KIFC3: variants seen among roughly 807,000 people sequenced by gnomAD.
KIFC3 encodes the protein kinesin-like protein KIFC3.
Under a neutral mutation model 101.8 loss-of-function variants are expected in KIFC3, and 60 were observed. The observed-to-expected ratio is 0.59, with a 90% confidence interval of 0.48 to 0.73. The LOEUF (loss-of-function observed/expected upper bound fraction) is 0.73. KIFC3 is among the 30% of genes least tolerant of loss of function. The pLI is 0.00. For missense variants in KIFC3, 966 were observed against 1,137.1 expected (o/e 0.85, Z 2.16); for synonymous variants, 476 against 482.7 (o/e 0.99, Z 0.18).
At chr16:57,799,246 A>G (rs2054570566) in intron 1 of KIFC3, among the ~76,000 whole-genome samples, 1 of 152,236 alleles carries the variant, frequency 6.6e-6, no homozygotes, top group Non-Finnish European at 1.5e-5. Flanking sequence ...CCTTGAGGAC[A>G]TTTAAGGTGA....
intron 1 of KIFC3, among the ~76,000 whole-genome samples, chr16:57,836,895 T>TATAGC (rs1264655840): frequency 6.6e-6 from 1 of 152,158 alleles, no homozygotes. Flanking sequence ...GGTCTTGTGG[T>TATAGC]ATAGCCCAGG....
intron 1 of KIFC3, among the ~76,000 whole-genome samples, chr16:57,853,142 G>C (rs1310030433): frequency 6.6e-6 from 1 of 152,036 alleles, no homozygotes; most frequent in Non-Finnish European, 1.5e-5. Context: ...AATCTGCCCG[G>C]GCGCGGTGGC....
At chr16:57,795,886 T>G (rs1568047682) in intron 2 of KIFC3, among the ~76,000 whole-genome samples, 1 of 27,798 alleles carries the variant, frequency 3.6e-5, no homozygotes, top group African/African-American at 1.1e-4. Context: ...GCTTTTTTGT[T>G]TTTTTTTTTT....
At chr16:57,764,633 A>G (rs1555601097) in intron 11 of KIFC3, among the ~76,000 whole-genome samples, 1 of 152,226 alleles carries the variant, frequency 6.6e-6, no homozygotes, top group African/African-American at 2.4e-5. Flanking sequence ...AGGAGGGCAC[A>G]GGCCTGGCAG....
chr16:57,794,908 G>T, intron 3 of KIFC3, 91 bp downstream of exon 3: 1 of 1,263,836 alleles, frequency 7.9e-7, no homozygotes. Flanking sequence ...CTCTCCCCAG[G>T]TGCTTCCTAC....
At chr16:57,775,474 G>T in intron 3 of KIFC3, 1 of 994,902 alleles carries the variant, frequency 1.0e-6, no homozygotes, top group Non-Finnish European at 1.2e-6. Flanking sequence ...TGCACTTGAA[G>T]GCAGGCAATC....
At chr16:57,810,547 A>C in intron 1 of KIFC3, 1 of 499,016 alleles carries the variant, frequency 2.0e-6, no homozygotes, top group Non-Finnish European at 2.6e-6. Flanking sequence ...GAGAGGAAGC[A>C]GCAAGGATCC....
intron 2 of KIFC3, 124 bp downstream of exon 2, chr16:57,797,948 G>C (rs1239887579): frequency 6.5e-7 from 1 of 1,539,574 alleles, no homozygotes; most frequent in Non-Finnish European, 8.8e-7. Flanking sequence ...CTGGGCTGTC[G>C]GTTACCCTGT....
intron 7 of KIFC3, 119 bp downstream of exon 7, chr16:57,770,408 G>T: frequency 1.1e-6 from 1 of 923,758 alleles, no homozygotes; most frequent in African/African-American, 1.7e-5. Context: ...GTGGCCATCG[G>T]GGAGAGGAGG....
intron 17 of KIFC3, 141 bp from the exon 18 acceptor site, chr16:57,759,977 G>A (rs782791187): frequency 6.1e-6 from 4 of 651,018 alleles, no homozygotes; most frequent in Non-Finnish European, 1.0e-5. Context: ...TTGTGCCCCA[G>A]CCTCAGTTAT....
intron 1 of KIFC3, among the ~76,000 whole-genome samples, chr16:57,820,029 G>A (rs551963837): frequency 7.4e-4 from 112 of 151,588 alleles, no homozygotes; most frequent in African/African-American, 2.6e-3. Context: ...CACCATGCCC[G>A]GCTAATTTTT....
intron 18 of KIFC3, 158 bp from the exon 19 acceptor site, chr16:57,759,311 C>CT: frequency 1.2e-6 from 1 of 827,240 alleles, no homozygotes; most frequent in Non-Finnish European, 1.9e-6. Context: ...GGTCCTGTGG[C>CT]GGGGCTCACT....
At position 57,758,481 on chromosome 16, in the gene KIFC3, C is replaced by T. The variant is rs1268147783; in HGVS notation, c.*453G>A. The T allele has an allele frequency of 4.8e-6, 2 of 415,992 alleles. No individual in the cohort carries two copies. Among genetic ancestry groups the T allele is most frequent in the African/African-American group, 2.0e-5 (1 of 49,184 alleles). 25.8% of individuals were successfully genotyped at this position (415,992 alleles called of 1,614,324 possible). A position where few individuals can be genotyped will look rare whatever the true frequency, so the allele number is the denominator to read the frequency against. ...GGGCGGGGAGGGCTGCCATTGGTGC[C>T]ACCAACCCACCCCAGTCCCCATGGT... On this transcript the variant is annotated 3_prime_UTR_variant, in exon 20 of 20. Coordinates refer to ENST00000445690, the MANE Select transcript of KIFC3 (RefSeq NM_001130100.2).
At chr16:57,797,383 G>A (rs1171096406) in intron 2 of KIFC3, among the ~76,000 whole-genome samples, 1 of 152,204 alleles carries the variant, frequency 6.6e-6, no homozygotes. Flanking sequence ...GGACAGCTCC[G>A]CGGCCCCGCC....
At chr16:57,815,616 C>G (rs1555628621) in intron 1 of KIFC3, 1 of 1,289,954 alleles carries the variant, frequency 7.8e-7, no homozygotes, top group African/African-American at 1.5e-5. Flanking sequence ...GGCTGCTGCA[C>G]CTGATGTTGG....
intron 3 of KIFC3, chr16:57,788,545 G>C: frequency 7.8e-7 from 1 of 1,277,316 alleles, no homozygotes; most frequent in Non-Finnish European, 1.0e-6. Context: ...TCACTGGGGA[G>C]TGCCGGTTTG....
upstream of KIFC3, chr16:57,803,237 C>G (rs2054846695): frequency 1.4e-6 from 1 of 706,022 alleles, no homozygotes; most frequent in African/African-American, 1.7e-5. Context: ...ACTGGGGCAC[C>G]TAGAGCCTCA....
intron 1 of KIFC3, among the ~76,000 whole-genome samples, chr16:57,843,375 C>T (rs2055850570): frequency 6.6e-6 from 1 of 152,168 alleles, no homozygotes; most frequent in South Asian, 2.1e-4. Flanking sequence ...GCACACTTCA[C>T]CTGCTTTGCC....
upstream of KIFC3, chr16:57,803,064 C>T: frequency 6.5e-7 from 1 of 1,535,198 alleles, no homozygotes; most frequent in South Asian, 1.2e-5. Context: ...ACCACCTACT[C>T]GCTGGCCAGG....
Sources: allele counts gnomAD v4.1 joint callset (sites outside exome capture counted in the v4.1 genomes callset), GRCh38; gene constraint gnomAD v4.1.1; transcripts MANE v1.5; gene names NCBI Gene and HGNC (gene_info 2026-07-23, HGNC 2026-07-21).